Variants in STXBP5L observed in about 807,000 individuals in gnomAD.
STXBP5L encodes the protein syntaxin-binding protein 5-like.
A neutral mutation model predicts 144.5 loss-of-function variants in STXBP5L; 65 were observed. The observed-to-expected ratio is 0.45, with a 90% CI of 0.37 to 0.55. STXBP5L has a LOEUF of 0.55. Ranked by LOEUF, STXBP5L falls within the 20% of genes least tolerant of loss-of-function variation. The probability of loss-of-function intolerance (pLI) is 0.00; values close to 1 mark genes in which losing one functional copy is unlikely to be tolerated. For synonymous variants in STXBP5L, 505 were observed against 469.6 expected (o/e 1.08, Z -0.97); for missense variants, 1,298 against 1,405.5 (o/e 0.92, Z 1.22).
intron 20 of STXBP5L, among the ~76,000 whole-genome samples, chr3:121,353,345 C>T (rs1220175048): frequency 6.6e-6 from 1 of 152,108 alleles, no homozygotes; most frequent in East Asian, 1.9e-4. Flanking sequence ...TATTAATTAT[C>T]ACATCAGTTT....
intron 20 of STXBP5L, among the ~76,000 whole-genome samples, chr3:121,337,537 C>T (rs2044553066): frequency 6.6e-6 from 1 of 150,630 alleles, no homozygotes; most frequent in South Asian, 2.1e-4. Context: ...TTACTCCTTA[C>T]TATGGAGCTT....
At chr3:121,356,904 G>A (rs1039323564) in intron 20 of STXBP5L, 1 of 154,220 alleles carries the variant, frequency 6.5e-6, no homozygotes, top group East Asian at 1.9e-4. Context: ...GCCCATTCAA[G>A]GGACTGGTCA....
intron 9 of STXBP5L, among the ~76,000 whole-genome samples, chr3:121,166,404 C>T (rs2046501324): frequency 6.6e-6 from 1 of 152,104 alleles, no homozygotes; most frequent in African/African-American, 2.4e-5. Flanking sequence ...CTAATTTTCT[C>T]TTCAGCTATG....
chr3:120,997,154 G>A (rs1442242388), intron 3 of STXBP5L, among the ~76,000 whole-genome samples: 1 of 152,128 alleles, frequency 6.6e-6, no homozygotes, highest in Non-Finnish European at 1.5e-5. Flanking sequence ...ATTTTCCATG[G>A]TGTATATGTA....
At chr3:121,200,943 G>A (rs2048112427) in intron 9 of STXBP5L, among the ~76,000 whole-genome samples, 1 of 152,190 alleles carries the variant, frequency 6.6e-6, no homozygotes, top group African/African-American at 2.4e-5. Context: ...GTGGCACTGA[G>A]AAGAATGTAT....
intron 5 of STXBP5L, among the ~76,000 whole-genome samples, chr3:121,068,589 T>C (rs2041659383): frequency 6.6e-6 from 1 of 152,184 alleles, no homozygotes. Context: ...ACTTCTTTAA[T>C]AATGACAGCA....
chr3:121,073,472 CA>C (rs1238093965), intron 5 of STXBP5L, among the ~76,000 whole-genome samples: 5 of 152,202 alleles, frequency 3.3e-5, no homozygotes, highest in African/African-American at 1.2e-4. Context: ...TGCCTTGAAA[CA>C]GGGTGGCCAT....
chr3:121,367,404 A>G (rs568339805), intron 20 of STXBP5L, among the ~76,000 whole-genome samples: 9 of 152,222 alleles, frequency 5.9e-5, no homozygotes, highest in Admixed American at 5.9e-4. Flanking sequence ...TTTGCCAGAT[A>G]TAGGACTCTT....
intron 3 of STXBP5L, among the ~76,000 whole-genome samples, chr3:120,979,595 C>T (rs1050586993): frequency 2.0e-5 from 3 of 152,144 alleles, no homozygotes; most frequent in Non-Finnish European, 4.4e-5. Flanking sequence ...GTGAGATGAA[C>T]CCGGTACCTC....
chr3:121,206,276 C>G (rs2048332766), intron 10 of STXBP5L, among the ~76,000 whole-genome samples: 1 of 152,122 alleles, frequency 6.6e-6, no homozygotes, highest in African/African-American at 2.4e-5. Context: ...TCTGGCCATG[C>G]ATATTACAAG....
At chr3:121,027,525 T>A (rs1946035787) in intron 3 of STXBP5L, among the ~76,000 whole-genome samples, 1 of 152,126 alleles carries the variant, frequency 6.6e-6, no homozygotes. Context: ...TTTTTCAGCT[T>A]CTAAAGGCTG....
At chr3:121,316,594 T>G (rs2043796621) in intron 19 of STXBP5L, among the ~76,000 whole-genome samples, 1 of 152,184 alleles carries the variant, frequency 6.6e-6, no homozygotes, top group Non-Finnish European at 1.5e-5. Context: ...CTAATTATAT[T>G]GGTAGGTGGG....
At chr3:121,361,994 CT>C (rs1478678883) in intron 20 of STXBP5L, among the ~76,000 whole-genome samples, 1 of 152,242 alleles carries the variant, frequency 6.6e-6, no homozygotes, top group Non-Finnish European at 1.5e-5. Flanking sequence ...GCTGTATCTG[CT>C]TTGGGGGCAC....
intron 3 of STXBP5L, among the ~76,000 whole-genome samples, chr3:120,969,683 A>G (rs182312323): frequency 2.7e-4 from 41 of 152,090 alleles, no homozygotes; most frequent in Non-Finnish European, 4.1e-4. Flanking sequence ...CAGGTCTTAT[A>G]TTTAAGTCTT....
chr3:121,017,795 T>C, intron 3 of STXBP5L, among the ~76,000 whole-genome samples: 1 of 147,652 alleles, frequency 6.8e-6, no homozygotes, highest in South Asian at 2.1e-4. Flanking sequence ...AATGGGGGGG[T>C]GGTGAAGGTG....
intron 20 of STXBP5L, among the ~76,000 whole-genome samples, chr3:121,365,422 AT>A (rs34860613): frequency 0.79 from 119,004 of 150,740 alleles, 47,178 homozygotes; most frequent in East Asian, 0.93. Flanking sequence ...TAATCAGAAG[AT>A]TTTTTTTTGT....
At chr3:120,976,614 C>T (rs1488137705) in intron 3 of STXBP5L, among the ~76,000 whole-genome samples, 1 of 151,910 alleles carries the variant, frequency 6.6e-6, no homozygotes, top group Non-Finnish European at 1.5e-5. Flanking sequence ...TCTTGCTTTT[C>T]TAGTTCTTTT....
Position 121,343,982 on chromosome 3 carries a change from T to A in STXBP5L, c.2176+25442T>A, listed in dbSNP as rs542101912. Among the ~76,000 whole-genome samples the A allele has an allele frequency of 3.3e-5, 5 of 152,264 alleles. No homozygotes were observed. The South Asian group carries it at 1.0e-3, about 32-fold the overall frequency. The stretch of plus-strand genomic sequence containing the variant: ...AAGAACAAAGCTGGAGGCATCAAGC[T>A]ACCGGACTTCTAACTATACTACAAA... On this transcript the variant is annotated intron_variant, in intron 20 of 26. Coordinates refer to ENST00000471454, the MANE Select transcript of STXBP5L (RefSeq NM_001308330.2).
At chr3:120,979,567 A>T (rs996027241) in intron 3 of STXBP5L, among the ~76,000 whole-genome samples, 1 of 152,096 alleles carries the variant, frequency 6.6e-6, no homozygotes, top group Admixed American at 6.5e-5. Context: ...TCCTGCACCC[A>T]CTGTCTGGCA....
Sources: gnomAD v4.1 joint callset for allele counts (sites outside exome capture counted in the v4.1 genomes callset) on GRCh38, gnomAD v4.1.1 for gene constraint, MANE v1.5 for transcripts, NCBI Gene and HGNC (gene_info 2026-07-23, HGNC 2026-07-21) for gene names.